LINGO1: variants seen among roughly 807,000 people sequenced by gnomAD.
The protein encoded by LINGO1 is leucine rich repeat and Ig domain containing 1.
LINGO1 carries 11 observed loss-of-function variants against 37.3 expected under a neutral mutation model. The ratio of observed to expected loss-of-function variants is 0.29; its 90% confidence interval spans 0.19 to 0.49. The LOEUF is 0.49. LINGO1 is among the 20% of genes least tolerant of loss of function. The pLI is 0.99. For missense variants in LINGO1, 585 were observed against 878.2 expected, an observed-to-expected ratio of 0.67 and a Z score of 4.22; for synonymous variants, 387 against 403.0, an observed-to-expected ratio of 0.96 and a Z score of 0.48.
chr15:77,634,072 TG>T (rs1241271432), upstream of LINGO1, among the ~76,000 whole-genome samples: 1 of 152,222 alleles, frequency 6.6e-6, no homozygotes, highest in East Asian at 1.9e-4. Flanking sequence ...CAGCTGAGGC[TG>T]GGGGAGGGGA....
intron 1 of LINGO1, among the ~76,000 whole-genome samples, chr15:77,622,886 A>C (rs887862049): frequency 3.3e-5 from 5 of 152,172 alleles, no homozygotes; most frequent in African/African-American, 1.2e-4. Context: ...AGAAGAAGCA[A>C]CGGCCTCTGG....
At chr15:77,757,215 C>T (rs1596195089) in intron 1 of LINGO1, among the ~76,000 whole-genome samples, 1 of 152,360 alleles carries the variant, frequency 6.6e-6, no homozygotes, top group Non-Finnish European at 1.5e-5. Context: ...CTTGGTTTGA[C>T]ATTTGAGACT....
chr15:77,731,473 C>A (rs1352222339), intron 2 of LINGO1, among the ~76,000 whole-genome samples: 1 of 152,204 alleles, frequency 6.6e-6, no homozygotes, highest in African/African-American at 2.4e-5. Context: ...GGGATTCAAT[C>A]CCAGCTCTGC....
At chr15:77,699,499 A>ATCATCCG (rs2075743803), upstream of LINGO1, among the ~76,000 whole-genome samples, 1 of 4,998 alleles carries the variant, frequency 2.0e-4, no homozygotes, top group Non-Finnish European at 5.1e-4. Context: ...CATCATCTCC[A>ATCATCCG]CACACAATAA....
chr15:77,750,606 A>C (rs777094687), intron 1 of LINGO1, among the ~76,000 whole-genome samples: 12 of 152,106 alleles, frequency 7.9e-5, no homozygotes, highest in Non-Finnish European at 1.3e-4. Flanking sequence ...CCACCCACCC[A>C]ACCCCTTCCA....
intron 1 of LINGO1, among the ~76,000 whole-genome samples, chr15:77,692,763 G>C (rs1163054145): frequency 1.3e-5 from 2 of 152,146 alleles, no homozygotes; most frequent in South Asian, 2.1e-4. Flanking sequence ...GCTCCCTCCC[G>C]CCTCCAGGGC....
intron 2 of LINGO1, among the ~76,000 whole-genome samples, chr15:77,722,900 C>A (rs2076064615): frequency 6.6e-6 from 1 of 152,156 alleles, no homozygotes; most frequent in Non-Finnish European, 1.5e-5. Context: ...CCGGGGAGGG[C>A]AGCAGCAGGG....
At chr15:77,735,433 T>A (rs1194785542) in intron 1 of LINGO1, among the ~76,000 whole-genome samples, 1 of 151,958 alleles carries the variant, frequency 6.6e-6, no homozygotes, top group Non-Finnish European at 1.5e-5. Flanking sequence ...CCTCAAATCC[T>A]CCCTCCTGAG....
chr15:77,793,877 T>G (rs1216724187), intron 2 of LINGO1, among the ~76,000 whole-genome samples: 1 of 152,232 alleles, frequency 6.6e-6, no homozygotes, highest in Non-Finnish European at 1.5e-5. Flanking sequence ...CACTTTTCTA[T>G]AGAGAACACA....
At chr15:77,657,405 A>T (rs564401539) in intron 3 of LINGO1, among the ~76,000 whole-genome samples, 2 of 152,158 alleles carry the variant, frequency 1.3e-5, no homozygotes, top group East Asian at 3.9e-4. Flanking sequence ...GTGTTCATGA[A>T]TGTGGCCCCT....
At chr15:77,633,965 A>G (rs183730196), upstream of LINGO1, among the ~76,000 whole-genome samples, 1 of 152,210 alleles carries the variant, frequency 6.6e-6, no homozygotes. Flanking sequence ...TAGAATAACC[A>G]TCAATGCTGA....
chr15:77,815,771 G>A (rs1013731689), intron 1 of LINGO1, among the ~76,000 whole-genome samples: 3 of 152,068 alleles, frequency 2.0e-5, no homozygotes, highest in African/African-American at 7.2e-5. Flanking sequence ...CACCAGAGAC[G>A]TGGTTTATAT....
At chr15:77,817,330 A>C (rs967540137) in intron 1 of LINGO1, among the ~76,000 whole-genome samples, 8 of 152,120 alleles carry the variant, frequency 5.3e-5, no homozygotes, top group Admixed American at 3.9e-4. Context: ...CCCCCAGTGC[A>C]CATTTAGATC....
chr15:77,631,624 T>C (rs2074256640), intron 1 of LINGO1, among the ~76,000 whole-genome samples: 1 of 152,214 alleles, frequency 6.6e-6, no homozygotes, highest in Admixed American at 6.5e-5. Context: ...TCTCAGCTGG[T>C]TCCCACCTCC....
chr15:77,680,899 T>C (rs2075402579), intron 2 of LINGO1, among the ~76,000 whole-genome samples: 1 of 152,198 alleles, frequency 6.6e-6, no homozygotes, highest in Non-Finnish European at 1.5e-5. Context: ...TCACCTGAAA[T>C]GTTGTGTGCT....
Position 77,727,754 on chromosome 15 carries a change from AAAAG to A in LINGO1, c.-195+7234_-195+7237del, listed in dbSNP as rs955228159. On this transcript the variant is annotated intron_variant, in intron 2 of 3. Transcript: ENST00000561686. Reference sequence around the variant, plus strand: ...TTTTTTTTACCATAATTTAAAAAAAAAAAGAAAAGGAAAAAATGAGCTTCATCCC... The same window carrying A: ...TTTTTTTTACCATAATTTAAAAAAAAAAAAGGAAAAAATGAGCTTCATCCC... 1.1e-4 allele frequency among the ~76,000 whole-genome samples: 17 copies of A among 151,920 alleles called. 1 individual carries two copies. The highest frequency in any genetic ancestry group is 3.4e-4 in the African/African-American group (14 of 41,424).
rs2075953400 is a variant in LINGO1, at chr15:77,714,034, T to TA, written c.-195+20957dup. ...CTGGTTCCCACGTCCCCATCCCCTA[T>TA]AAAGACCTCTCCCCTGAGCTCCAGG... On this transcript the variant is annotated intron_variant, in intron 2 of 3. Transcript: ENST00000561686. 2.6e-5 allele frequency among the ~76,000 whole-genome samples: 4 copies of TA among 152,176 alleles called. No homozygotes were observed. In the South Asian group the frequency reaches 8.3e-4, roughly 32 times the overall value.
intron 2 of LINGO1, chr15:77,707,309 T>C (rs2075864879): frequency 6.6e-6 from 1 of 152,324 alleles, no homozygotes; most frequent in East Asian, 1.9e-4. Flanking sequence ...CAAGCTCCCC[T>C]GGAAAGTAGA....
At chr15:77,675,628 T>C (rs1409906508) in intron 3 of LINGO1, among the ~76,000 whole-genome samples, 1 of 152,136 alleles carries the variant, frequency 6.6e-6, no homozygotes. Context: ...TGTTAGCTCT[T>C]GGGAGGAAAA....
Sources: gnomAD v4.1 joint callset for allele counts (sites outside exome capture counted in the v4.1 genomes callset) on GRCh38, gnomAD v4.1.1 for gene constraint, MANE v1.5 for transcripts, NCBI Gene and HGNC (gene_info 2026-07-23, HGNC 2026-07-21) for gene names.